Variants in NCOA1 observed in about 807,000 individuals in gnomAD.
NCOA1 encodes Hin-2 protein.
NCOA1 carries 35 observed loss-of-function variants against 150.9 expected under a neutral mutation model. The observed-to-expected ratio is 0.23, with a 90% CI of 0.18 to 0.31. The LOEUF (loss-of-function observed/expected upper bound fraction) is 0.31, where lower values mean the gene tolerates loss of function less well. Among genes scored for constraint, NCOA1 ranks in the 10% least tolerant of loss-of-function variants. The pLI is 1.00. For missense variants in NCOA1, 1,491 were observed against 1,749.3 expected, an observed-to-expected ratio of 0.85 and a Z score of 2.63; for synonymous variants, 590 against 630.0, an observed-to-expected ratio of 0.94 and a Z score of 0.95.
At chr2:24,500,882 A>C (rs1663432034) in intron 1 of NCOA1, among the ~76,000 whole-genome samples, 1 of 152,150 alleles carries the variant, frequency 6.6e-6, no homozygotes, top group Non-Finnish European at 1.5e-5. Context: ...TAGGGAAAGG[A>C]TATTGAAAAT....
chr2:24,733,290 G>A (rs1453887555), intron 17 of NCOA1, among the ~76,000 whole-genome samples: 1 of 151,966 alleles, frequency 6.6e-6, no homozygotes, highest in Non-Finnish European at 1.5e-5. Context: ...TAAATAACAG[G>A]TTGTATTTTT....
At chr2:24,516,481 C>T (rs62140846) in intron 1 of NCOA1, among the ~76,000 whole-genome samples, 4 of 150,690 alleles carry the variant, frequency 2.7e-5, no homozygotes, top group South Asian at 2.1e-4. Context: ...CATGAGCCAC[C>T]GTGCCCGGCC....
At chr2:24,656,677 A>G (rs1670966549) in intron 4 of NCOA1, among the ~76,000 whole-genome samples, 1 of 152,140 alleles carries the variant, frequency 6.6e-6, no homozygotes, top group Admixed American at 6.5e-5. Context: ...CTTCTATGAG[A>G]TTAACTTCTT....
intron 3 of NCOA1, among the ~76,000 whole-genome samples, chr2:24,627,103 G>GT (rs1161030668): frequency 6.3e-5 from 8 of 126,602 alleles, no homozygotes; most frequent in East Asian, 4.7e-4. Context: ...TTTAATACCT[G>GT]TTTTTTTGTT....
At chr2:24,725,725 G>GTA (rs1211355521) in intron 14 of NCOA1, among the ~76,000 whole-genome samples, 1 of 125,804 alleles carries the variant, frequency 7.9e-6, no homozygotes, top group African/African-American at 3.3e-5. Context: ...GTGTGTGTGT[G>GTA]TGTGTGTGTG....
intron 19 of NCOA1, among the ~76,000 whole-genome samples, chr2:24,749,413 T>TG (rs911625644): frequency 1.8e-4 from 28 of 152,338 alleles, no homozygotes; most frequent in African/African-American, 6.7e-4. Context: ...TGAGAGCTGA[T>TG]GCGCGCACGC....
At chr2:24,519,181 TAAAC>T (rs751686886) in intron 1 of NCOA1, among the ~76,000 whole-genome samples, 13 of 152,178 alleles carry the variant, frequency 8.5e-5, no homozygotes, top group South Asian at 2.1e-4. Flanking sequence ...ACATATGTGA[TAAAC>T]AAAATGTATA....
intron 17 of NCOA1, among the ~76,000 whole-genome samples, chr2:24,736,576 C>T (rs1663316124): frequency 6.6e-6 from 1 of 152,170 alleles, no homozygotes; most frequent in Non-Finnish European, 1.5e-5. Context: ...AAACATTTTA[C>T]CTTCAGGTTT....
intron 1 of NCOA1, among the ~76,000 whole-genome samples, chr2:24,492,733 G>C (rs941808946): frequency 1.3e-5 from 2 of 152,132 alleles, no homozygotes; most frequent in African/African-American, 2.4e-5. Flanking sequence ...GTGAGTAAAG[G>C]GTTCTTGAGT....
At chr2:24,612,083 T>TA (rs1386313495) in intron 3 of NCOA1, among the ~76,000 whole-genome samples, 2 of 152,224 alleles carry the variant, frequency 1.3e-5, no homozygotes, top group African/African-American at 4.8e-5. Flanking sequence ...AGAATTCCCT[T>TA]AAAGATCTCT....
intron 10 of NCOA1, among the ~76,000 whole-genome samples, chr2:24,695,609 G>A (rs1470372458): frequency 1.3e-5 from 2 of 152,046 alleles, no homozygotes; most frequent in African/African-American, 4.8e-5. Flanking sequence ...AATTTCTTAA[G>A]TTTTTGTAGT....
chr2:24,578,409 T>G (rs894418138), intron 2 of NCOA1, among the ~76,000 whole-genome samples: 1 of 152,118 alleles, frequency 6.6e-6, no homozygotes, highest in Non-Finnish European at 1.5e-5. Context: ...AGCACATCTG[T>G]ATGAAGAAAA....
chr2:24,507,719 G>A (rs1822298), intron 1 of NCOA1, among the ~76,000 whole-genome samples: 141,735 of 152,122 alleles, frequency 0.93, 66,156 homozygotes, highest in East Asian at 1. Context: ...TGTATTACGT[G>A]GTCATCATGA....
chr2:24,492,068 T>C (rs1260661336), intron 1 of NCOA1: 4 of 152,060 alleles, frequency 2.6e-5, no homozygotes, highest in Non-Finnish European at 5.9e-5. Flanking sequence ...GAATCTCGCC[T>C]GCCGGGACCG....
chr2:24,547,472 G>A (rs768478378), intron 1 of NCOA1, among the ~76,000 whole-genome samples: 1 of 152,136 alleles, frequency 6.6e-6, no homozygotes, highest in Non-Finnish European at 1.5e-5. Flanking sequence ...CCCTGAACTG[G>A]AGGGCTTACT....
intron 1 of NCOA1, among the ~76,000 whole-genome samples, chr2:24,524,138 G>A (rs1187693685): frequency 6.6e-6 from 1 of 152,038 alleles, no homozygotes; most frequent in Admixed American, 6.6e-5. Flanking sequence ...TATATTGCCA[G>A]AAATTCTGTT....
At chr2:24,566,885 C>A (rs1666533417) in intron 2 of NCOA1, among the ~76,000 whole-genome samples, 1 of 152,258 alleles carries the variant, frequency 6.6e-6, no homozygotes, top group South Asian at 2.1e-4. Flanking sequence ...GTAGGCACTT[C>A]TGAGCCTGCA....
At chr2:24,546,504 G>T (rs1479114160) in intron 1 of NCOA1, among the ~76,000 whole-genome samples, 1 of 152,126 alleles carries the variant, frequency 6.6e-6, no homozygotes, top group Non-Finnish European at 1.5e-5. Context: ...ATTGTTCTTT[G>T]TACAAGTGCA....
intron 3 of NCOA1, among the ~76,000 whole-genome samples, chr2:24,617,158 C>T (rs978393192): frequency 1.3e-5 from 2 of 152,136 alleles, no homozygotes; most frequent in Non-Finnish European, 2.9e-5. Context: ...AAGCATGTTG[C>T]TCCAATGACT....
Sources: gnomAD v4.1 joint callset for allele counts (sites outside exome capture counted in the v4.1 genomes callset) on GRCh38, gnomAD v4.1.1 for gene constraint, MANE v1.5 for transcripts, NCBI Gene and HGNC (gene_info 2026-07-23, HGNC 2026-07-21) for gene names.